CDK12: variants seen among roughly 807,000 people sequenced by gnomAD.
CDK12 encodes cyclin-dependent kinase 12.
A neutral mutation model predicts 133.8 loss-of-function variants in CDK12; 17 were observed. The observed-to-expected ratio is 0.13, with a 90% CI of 0.09 to 0.19. The LOEUF (loss-of-function observed/expected upper bound fraction) is 0.19. CDK12 is among the 10% of genes least tolerant of loss of function. The pLI is 1.00. For synonymous variants in CDK12, 694 were observed against 683.6 expected (o/e 1.02, Z -0.24); for missense variants, 1,508 against 1,818.7 (o/e 0.83, Z 3.11).
Position 39,462,381 on chromosome 17 carries a change from C to G in CDK12, c.310C>G (p.Arg104Gly), listed in dbSNP as rs2049018618. 6.2e-7 allele frequency: 1 copy of G among 1,614,164 alleles called. No individual in the cohort carries two copies. The highest frequency in any genetic ancestry group is 1.3e-5 in the African/African-American group (1 of 75,048). Reference sequence around the variant, plus strand: ...GAACGACGAACGTCGTGGATCAGATCGGAGCGACCGCCTGCACAAACATCG... The same window carrying G: ...GAACGACGAACGTCGTGGATCAGATGGGAGCGACCGCCTGCACAAACATCG... ...RENDERRGSD[R>G]SDRLHKHRHH... Residue 104 changes from arginine to glycine, a missense_variant, in exon 1 of 14, where the codon CGG becomes GGG. Around this residue, in one of 9 missense-constraint regions of CDK12, gnomAD observed 460 missense variants for 490.8 expected, o/e 0.94. Coordinates refer to ENST00000447079, the MANE Select transcript of CDK12 (RefSeq NM_016507.4).
At position 39,515,723 on chromosome 17, in the gene CDK12, T is replaced by C; in HGVS notation, c.2769-8T>C. 6.3e-7 allele frequency: 1 copy of C among 1,599,132 alleles called. No individual in the cohort carries two copies. The highest frequency in any genetic ancestry group is 8.6e-7 in the Non-Finnish European group (1 of 1,168,046). ...TCTCTTCTGACCTCTCAATTTTACC[T>C]TTTCTAGATGTATTCTTGGGGAACT... is the stretch of plus-strand genomic sequence containing the variant. On this transcript the variant is annotated splice_region_variant and splice_polypyrimidine_tract_variant and intron_variant, in intron 8 of 13. Transcript: ENST00000447079.
chr17:39,492,603 G>A (rs2051724656), intron 3 of CDK12, 148 bp from the exon 4 acceptor site: 2 of 513,388 alleles, frequency 3.9e-6, no homozygotes, highest in Non-Finnish European at 6.7e-6. Context: ...TAAAGACGGG[G>A]TTTCACCATG....
chr17:39,471,943 C>G (rs1375548345), intron 2 of CDK12, among the ~76,000 whole-genome samples, 180 bp downstream of exon 2: 1 of 152,048 alleles, frequency 6.6e-6, no homozygotes, highest in Non-Finnish European at 1.5e-5. Context: ...GAATTTGAGG[C>G]CTGGTTAACC....
In CDK12 at chr17:39,520,080, C is replaced by T. The variant is rs1302109388; in HGVS notation, c.3088C>T (p.Pro1030Ser). The T allele has an allele frequency of 7.4e-6, 12 of 1,613,968 alleles. No homozygotes were observed. Among genetic ancestry groups the T allele is most frequent in the Admixed American group, 1.7e-5 (1 of 60,010 alleles). ...LKDVELSKMA[P>S]PDLPHWQDCH... ...AGATGTCGAACTCAGCAAAATGGCTCCTCCAGAGTAAGTGCTGGTAGCCAT... is the reference window on the plus strand; with the variant it reads ...AGATGTCGAACTCAGCAAAATGGCTTCTCCAGAGTAAGTGCTGGTAGCCAT... The change falls in exon 11 of 14, where the codon CCT becomes TCT. Residue 1030 changes from proline to serine, a missense_variant. By Grantham distance (74) the Pro-to-Ser change is moderately conservative. Around this residue, in one of 9 missense-constraint regions of CDK12, gnomAD observed 399 missense variants for 469.6 expected, o/e 0.85. Coordinates refer to ENST00000447079, the MANE Select transcript of CDK12 (RefSeq NM_016507.4).
chr17:39,498,060 G>C (rs2052276005), intron 5 of CDK12, among the ~76,000 whole-genome samples: 1 of 151,032 alleles, frequency 6.6e-6, no homozygotes, highest in African/African-American at 2.4e-5. Flanking sequence ...CTGGAGTGCA[G>C]TGACATGATC....
At chr17:39,493,709 A>T (rs1435008855) in intron 4 of CDK12, among the ~76,000 whole-genome samples, 1 of 151,922 alleles carries the variant, frequency 6.6e-6, no homozygotes, top group East Asian at 1.9e-4. Flanking sequence ...AACTTTTAAA[A>T]CTCTCCAGCT....
chr17:39,489,311 C>T (rs2051389953), intron 2 of CDK12, among the ~76,000 whole-genome samples: 1 of 151,784 alleles, frequency 6.6e-6, no homozygotes, highest in African/African-American at 2.4e-5. Context: ...TTCAGGCAGT[C>T]TGCCCACCTT....
intron 2 of CDK12, among the ~76,000 whole-genome samples, chr17:39,483,903 G>A (rs1218148219): frequency 6.6e-6 from 1 of 151,688 alleles, no homozygotes; most frequent in Non-Finnish European, 1.5e-5. Flanking sequence ...GAGTGCAGTG[G>A]CATGATCTTG....
chr17:39,542,159 A>ATATG (rs398058707), intron 1 of CDK12, among the ~76,000 whole-genome samples: 56 of 89,976 alleles, frequency 6.2e-4, no homozygotes, highest in Admixed American at 2.3e-3. Context: ...ACATATATAT[A>ATATG]TGTGTGTGTG....
chr17:39,479,808 G>A (rs2145483989), intron 2 of CDK12, among the ~76,000 whole-genome samples: 1 of 152,032 alleles, frequency 6.6e-6, no homozygotes, highest in African/African-American at 2.4e-5. Flanking sequence ...TGTATTTTTA[G>A]TAGAGACAGG....
chr17:39,504,634 T>C (rs185346951), intron 6 of CDK12, among the ~76,000 whole-genome samples: 1 of 151,540 alleles, frequency 6.6e-6, no homozygotes, highest in African/African-American at 2.4e-5. Context: ...ATCCTAACAC[T>C]TTGGGAGGCT....
At chr17:39,539,055 AGC>A (rs2055289851), downstream of CDK12, among the ~76,000 whole-genome samples, 1 of 152,120 alleles carries the variant, frequency 6.6e-6, no homozygotes, top group Non-Finnish European at 1.5e-5. Context: ...GTAAAGAGTC[AGC>A]ATTTGAGAGT....
intron 2 of CDK12, among the ~76,000 whole-genome samples, chr17:39,489,123 C>G (rs972961036): frequency 1.3e-5 from 2 of 149,936 alleles, no homozygotes; most frequent in Non-Finnish European, 3.0e-5. Context: ...CTCTGTCTCT[C>G]CGGCTGGAGT....
intron 1 of CDK12, among the ~76,000 whole-genome samples, chr17:39,542,495 ATTTTCTTTTTCT>A (rs1396964217): frequency 1.4e-4 from 20 of 146,592 alleles, no homozygotes; most frequent in Middle Eastern, 3.9e-3. Flanking sequence ...CCAGCCTCTT[ATTTTCTTTTTCT>A]TTTTCTTTTC....
chr17:39,494,414 C>T (rs1245046368), intron 4 of CDK12, 110 bp from the exon 5 acceptor site: 2 of 839,214 alleles, frequency 2.4e-6, no homozygotes, highest in Non-Finnish European at 3.8e-6. Flanking sequence ...CTCGTGTAAG[C>T]ATTAAAGTAA....
In CDK12 at chr17:39,514,805, G is replaced by A. The variant is rs373463815; in HGVS notation, c.2769-926G>A. ...ATGTTTTGACATAACATATCCACCA[G>A]TAAAACCATCAACACAGCCAAGATA... is the stretch of plus-strand genomic sequence containing the variant. On this transcript the variant is annotated intron_variant, in intron 8 of 13. Coordinates refer to ENST00000447079, the MANE Select transcript of CDK12 (RefSeq NM_016507.4). 8.0e-4 allele frequency among the ~76,000 whole-genome samples: 122 copies of A among 152,210 alleles called. 1 individual carries two copies. The highest frequency in any genetic ancestry group is 2.9e-3 in the African/African-American group (119 of 41,518).
upstream of CDK12, among the ~76,000 whole-genome samples, chr17:39,546,953 T>A (rs544413672): frequency 3.9e-5 from 6 of 152,182 alleles, no homozygotes; most frequent in Non-Finnish European, 8.8e-5. Flanking sequence ...CCTTTTTCTA[T>A]AGTTCATGAC....
intron 4 of CDK12, among the ~76,000 whole-genome samples, chr17:39,493,166 G>GTTTTTTTT (rs201228796): frequency 7.5e-6 from 1 of 132,502 alleles, no homozygotes. Flanking sequence ...ACTAATTTTT[G>GTTTTTTTT]TTTTTTTTTT....
At chr17:39,495,804 A>AG (rs1350618490) in intron 5 of CDK12, among the ~76,000 whole-genome samples, 11 of 152,060 alleles carry the variant, frequency 7.2e-5, no homozygotes, top group Non-Finnish European at 1.6e-4. Flanking sequence ...CAAAAAAAAA[A>AG]AAAAAAGATG....
Sources: gnomAD v4.1 joint callset for allele counts (sites outside exome capture counted in the v4.1 genomes callset) on GRCh38, gnomAD v4.1.1 for gene constraint, gnomAD v4.1.1 regional missense constraint, MANE v1.5 for transcripts, NCBI Gene and HGNC (gene_info 2026-07-23, HGNC 2026-07-21) for gene names.